The following POP5 variants were observed in gnomAD, a reference collection of about 807,000 sequenced individuals.
POP5 encodes the protein ribonuclease P/MRP protein subunit POP5.
POP5 carries 18 observed loss-of-function variants against 20.7 expected under a neutral mutation model. That is an observed-to-expected ratio of 0.87 (90% CI 0.60 to 1.29). POP5 has a LOEUF of 1.29. Among genes scored for constraint, POP5 ranks in the 50% most tolerant of loss-of-function variants. POP5 has a pLI of 0.00. For synonymous variants in POP5, 91 were observed against 78.0 expected (o/e 1.17, Z -0.88); for missense variants, 200 against 203.2 (o/e 0.98, Z 0.10).
In POP5 at chr12:120,581,398, CG is replaced by C. The variant is rs2137290243; in HGVS notation, c.-37del. ...GCGCTCTCCGGTCCGGCGTGCAAAC[CG>C]GATGTGAATTCTGTCCGCTGCCAAT... On this transcript the variant is annotated 5_prime_UTR_variant, in exon 1 of 5. Transcript: ENST00000357500. The C allele has an allele frequency of 6.2e-7, 1 of 1,601,864 alleles. No homozygotes were observed. The highest frequency in any genetic ancestry group is 8.5e-7 in the Non-Finnish European group (1 of 1,174,738).
Position 120,579,092 on chromosome 12 carries a change from A to G in POP5, c.*226T>C, listed in dbSNP as rs116125274. On this transcript the variant is annotated 3_prime_UTR_variant, in exon 5 of 5. Transcript: ENST00000357500. ...TATTAAATCTACTCTTAGCCAAGCA[A>G]TAAAGATGTCTACAGAGTTCACAAC... The G allele has an allele frequency of 2.0e-3, 1,150 of 579,394 alleles. 7 individuals carry two copies. Among genetic ancestry groups the G allele is most frequent in the African/African-American group, 0.018 (989 of 53,570 alleles). The allele number at this position is 579,394 out of a possible 1,614,324, so 35.9% of individuals were successfully genotyped here.
intron 2 of POP5, 134 bp downstream of exon 2, chr12:120,580,981 C>T (rs1877832355): frequency 2.2e-6 from 3 of 1,375,650 alleles, no homozygotes; most frequent in Non-Finnish European, 2.9e-6. Flanking sequence ...GGGTCCCAGG[C>T]GCTTAAAGAG....
rs1779181410 is a variant in POP5, at chr12:120,579,611, T to TA, written c.314-15dup. The TA allele has an allele frequency of 6.2e-7, 1 of 1,606,592 alleles. No homozygotes were observed. Among genetic ancestry groups the TA allele is most frequent in the African/African-American group, 1.3e-5 (1 of 74,754 alleles). On this transcript the variant is annotated splice_polypyrimidine_tract_variant and intron_variant, in intron 3 of 4. Transcript: ENST00000357500. Reference sequence around the variant, plus strand: ...TTCTTATTGTACCTGGCATATGAGTTACTGTGGTCAACAGCTTGTGAAAGA... The same window carrying TA: ...TTCTTATTGTACCTGGCATATGAGTTAACTGTGGTCAACAGCTTGTGAAAGA...
Position 120,579,919 on chromosome 12 carries a change from T to G in POP5, c.168A>C (p.Arg56=). The G allele has an allele frequency of 2.5e-6, 4 of 1,613,424 alleles. No individual in the cohort carries two copies. The highest frequency in any genetic ancestry group is 3.4e-6 in the Non-Finnish European group (4 of 1,179,646). The change falls in exon 3 of 5, where the codon CGA becomes CGC. Residue 56 remains arginine, a synonymous_variant. Coordinates refer to ENST00000357500, the MANE Select transcript of POP5 (RefSeq NM_015918.4). ...CTATTCCAGTATAGGCATTGAGATATCGAACTACAACAGGAAAGAAAAATC... is the reference window on the plus strand; with the variant it reads ...CTATTCCAGTATAGGCATTGAGATAGCGAACTACAACAGGAAAGAAAAATC... The part of the protein sequence containing the change: ...AAACSIGFAV[R]YLNAYTGIVL...
At chr12:120,580,340 C>A (rs1031729273) in intron 2 of POP5, among the ~76,000 whole-genome samples, 1 of 152,178 alleles carries the variant, frequency 6.6e-6, no homozygotes, top group Non-Finnish European at 1.5e-5. Flanking sequence ...AGAGAAAAGC[C>A]AAAACACCCA....
In POP5 at chr12:120,581,390, G is replaced by A. The variant is rs781228227; in HGVS notation, c.-28C>T. ...CTGCCTCCGCGCTCTCCGGTCCGGC[G>A]TGCAAACCGGATGTGAATTCTGTCC... is the stretch of plus-strand genomic sequence containing the variant. On this transcript the variant is annotated 5_prime_UTR_variant, in exon 1 of 5. In the 5' UTR this introduces an upstream ATG that the reference lacks. Transcript: ENST00000357500. The A allele has an allele frequency of 1.2e-6, 2 of 1,604,570 alleles. No homozygotes were observed. The highest frequency in any genetic ancestry group is 2.7e-5 in the African/African-American group (2 of 74,902).
chr12:120,580,145 G>A, intron 2 of POP5: 2 of 458,802 alleles, frequency 4.4e-6, no homozygotes, highest in Non-Finnish European at 3.9e-6. Context: ...AGGAGGCTGA[G>A]GCATGAGAAT....
Position 120,578,976 on chromosome 12 carries a change from TAGAG to T in POP5, c.*338_*341del, listed in dbSNP as rs1054424419. 18 of 302,602 alleles carry T rather than the reference TAGAG, an allele frequency of 5.9e-5. No homozygotes were observed. Among genetic ancestry groups the T allele is most frequent in the South Asian group, 5.4e-4 (14 of 26,120 alleles). The allele number at this position is 302,602 out of a possible 1,614,324, so 18.7% of individuals were successfully genotyped here. On this transcript the variant is annotated 3_prime_UTR_variant, in exon 5 of 5. Coordinates refer to ENST00000357500, the MANE Select transcript of POP5 (RefSeq NM_015918.4). ...TCAGTCTTCCCACCAAGGCTAGGGATAGAGAGAGAACAGAGACTTGGCCAAGCAT... is the reference window on the plus strand; with the variant it reads ...TCAGTCTTCCCACCAAGGCTAGGGATAGAGAACAGAGACTTGGCCAAGCAT...
At chr12:120,580,958 G>A (rs11065165) in intron 2 of POP5, 157 bp downstream of exon 2, 2 of 1,197,694 alleles carry the variant, frequency 1.7e-6, no homozygotes, top group Non-Finnish European at 2.3e-6. Context: ...TGCTAATTTC[G>A]GACTCTCGCT....
rs1227952687 is a variant in POP5, at chr12:120,579,226, CTG to C, written c.*90_*91del. On this transcript the variant is annotated 3_prime_UTR_variant, in exon 5 of 5. Coordinates refer to ENST00000357500, the MANE Select transcript of POP5 (RefSeq NM_015918.4). The stretch of plus-strand genomic sequence containing the variant: ...GTTGGCAGCTATCCAGTTTGGAAAA[CTG>C]TGGAAGATGCTGTTGCTACCCAGAT... 2.5e-5 allele frequency: 29 copies of C among 1,153,852 alleles called. No homozygotes were observed. The highest frequency in any genetic ancestry group is 7.5e-5 in the South Asian group (6 of 80,264). The allele number at this position is 1,153,852 out of a possible 1,614,324, so 71.5% of individuals were successfully genotyped here. A position where few individuals can be genotyped will look rare whatever the true frequency, so the allele number is the denominator to read the frequency against.
chr12:120,579,332 C>A lies in POP5; in HGVS notation c.478G>T (p.Glu160Ter). Residue 160 changes from glutamate to a stop codon, truncating the protein, a stop_gained, in exon 5 of 5, where the codon GAA (glutamate) becomes TAA (stop). Coordinates refer to ENST00000357500, the MANE Select transcript of POP5 (RefSeq NM_015918.4). LOFTEE classifies it high-confidence loss of function. ...EEEESGEEAA[E>*]AME ...GGAGCAGAGGTTCACTCCATTGCTT[C>A]TGCAGCCTCCTCACCTGACTCCTCC... is the stretch of plus-strand genomic sequence containing the variant. 1 of 1,614,134 alleles carries A rather than the reference C, an allele frequency of 6.2e-7. No individual in the cohort carries two copies. The highest frequency in any genetic ancestry group is 8.5e-7 in the Non-Finnish European group (1 of 1,179,944).
At chr12:120,579,453 A>G (rs749188623) in intron 4 of POP5, 41 bp from the exon 5 acceptor site, 2 of 1,607,992 alleles carry the variant, frequency 1.2e-6, no homozygotes, top group East Asian at 2.2e-5. Context: ...TATCTTTGGG[A>G]GTGATTTCTT....
At chr12:120,581,016 G>A (rs1877835157) in intron 2 of POP5, 99 bp downstream of exon 2, 2 of 1,521,556 alleles carry the variant, frequency 1.3e-6, no homozygotes, top group South Asian at 1.2e-5. Context: ...ACGGTGCACG[G>A]GCTTGGCCAC....
intron 2 of POP5, 146 bp from the exon 3 acceptor site, chr12:120,580,069 C>A (rs1486198784): frequency 1.5e-6 from 1 of 675,904 alleles, no homozygotes; most frequent in African/African-American, 1.8e-5. Flanking sequence ...TGATGAAACC[C>A]CGTCTCTACT....
At position 120,581,389 on chromosome 12, in the gene POP5, C is replaced by T. The variant is rs768764274; in HGVS notation, c.-27G>A. On this transcript the variant is annotated 5_prime_UTR_variant, in exon 1 of 5. Transcript: ENST00000357500. ...GCTGCCTCCGCGCTCTCCGGTCCGG[C>T]GTGCAAACCGGATGTGAATTCTGTC... The T allele has an allele frequency of 1.2e-6, 2 of 1,605,158 alleles. No individual in the cohort carries two copies. Among genetic ancestry groups the T allele is most frequent in the Non-Finnish European group, 1.7e-6 (2 of 1,176,210 alleles).
At chr12:120,581,312 G>C in intron 1 of POP5, 31 bp downstream of exon 1, 1 of 1,614,174 alleles carries the variant, frequency 6.2e-7, no homozygotes, top group Non-Finnish European at 8.5e-7. Flanking sequence ...ACCCAGCAAG[G>C]CACTGGGAGG....
chr12:120,581,132 C>A lies in POP5; in HGVS notation c.146G>T (p.Cys49Phe). ...RVHGTFGAAA[C>F]SIGFAVRYLN... is the part of the protein sequence containing the mutation. ...CCTTGCACCCGCGAAGCCGATGGAG[C>A]AGGCGGCTGCGCCGAAAGTTCCGTG... Residue 49 changes from cysteine (C) to phenylalanine (F), a missense_variant, in exon 2 of 5, where the codon TGC becomes TTC. Transcript: ENST00000357500. 1 of 1,612,268 alleles carries A rather than the reference C, an allele frequency of 6.2e-7. No homozygotes were observed. Among genetic ancestry groups the A allele is most frequent in the Non-Finnish European group, 8.5e-7 (1 of 1,179,980 alleles).
chr12:120,580,067 C>A (rs1877782926), intron 2 of POP5, 144 bp from the exon 3 acceptor site: 2 of 688,794 alleles, frequency 2.9e-6, no homozygotes. Flanking sequence ...CATGATGAAA[C>A]CCCGTCTCTA....
At chr12:120,580,102 T>G in intron 2 of POP5, 179 bp from the exon 3 acceptor site, 1 of 557,984 alleles carries the variant, frequency 1.8e-6, no homozygotes, top group East Asian at 3.3e-5. Context: ...ATTAGCTGGG[T>G]GTGGTGGTGC....
Sources: gnomAD v4.1 joint callset for allele counts (sites outside exome capture counted in the v4.1 genomes callset) on GRCh38, gnomAD v4.1.1 for gene constraint, MANE v1.5 for transcripts, NCBI Gene and HGNC (gene_info 2026-07-23, HGNC 2026-07-21) for gene names.